AP3S1: variants seen among roughly 807,000 people sequenced by gnomAD.
The protein encoded by AP3S1 is adaptor related protein complex 3 subunit sigma 1.
Under a neutral mutation model 21.3 loss-of-function variants are expected in AP3S1, and 12 were observed. The ratio of observed to expected loss-of-function variants is 0.56; its 90% CI spans 0.36 to 0.91. AP3S1 has a LOEUF of 0.91. AP3S1 is among the 40% of genes least tolerant of loss of function. The pLI is 0.01. For synonymous variants in AP3S1, 48 were observed against 78.4 expected (o/e 0.61, Z 2.05); for missense variants, 116 against 225.0 (o/e 0.52, Z 3.10).
At chr5:115,864,739 G>A (rs1763482187) in intron 1 of AP3S1, among the ~76,000 whole-genome samples, 1 of 152,144 alleles carries the variant, frequency 6.6e-6, no homozygotes, top group Non-Finnish European at 1.5e-5. Flanking sequence ...CAAGATAAGG[G>A]TTTCAGAGAA....
chr5:115,873,805 C>T (rs531311904), intron 3 of AP3S1, among the ~76,000 whole-genome samples: 34 of 152,066 alleles, frequency 2.2e-4, no homozygotes, highest in Non-Finnish European at 4.7e-4. Context: ...AATTATAAAC[C>T]AAGAGAGTTT....
intron 3 of AP3S1, among the ~76,000 whole-genome samples, chr5:115,883,992 G>A (rs1339924169): frequency 6.6e-6 from 1 of 152,084 alleles, no homozygotes; most frequent in African/African-American, 2.4e-5. Flanking sequence ...CGCTTAAATG[G>A]AGGGACTGAA....
At chr5:115,882,114 G>C (rs576730200) in intron 3 of AP3S1, among the ~76,000 whole-genome samples, 77 of 151,974 alleles carry the variant, frequency 5.1e-4, no homozygotes, top group African/African-American at 1.8e-3. Flanking sequence ...CTTTTATCAA[G>C]GCTCTTAGCT....
intron 1 of AP3S1, chr5:115,852,840 T>C (rs942837723): frequency 2.8e-5 from 8 of 284,458 alleles, no homozygotes; most frequent in Admixed American, 4.6e-5. Context: ...TGGGGAAATA[T>C]ATATACACTG....
At chr5:115,860,302 G>C (rs1763081723) in intron 1 of AP3S1, among the ~76,000 whole-genome samples, 1 of 152,204 alleles carries the variant, frequency 6.6e-6, no homozygotes, top group Non-Finnish European at 1.5e-5. Context: ...TCATCTCAGA[G>C]TCCTTAATCA....
intron 4 of AP3S1, among the ~76,000 whole-genome samples, chr5:115,898,132 C>A (rs1052603517): frequency 6.6e-6 from 1 of 152,136 alleles, no homozygotes; most frequent in South Asian, 2.1e-4. Context: ...CTGCCACTAT[C>A]CAGAACATTG....
intron 5 of AP3S1, among the ~76,000 whole-genome samples, chr5:115,912,706 T>A (rs1752200607): frequency 6.6e-6 from 1 of 152,092 alleles, no homozygotes; most frequent in African/African-American, 2.4e-5. Flanking sequence ...TACTAATGCA[T>A]CAAAGGGTTG....
chr5:115,852,706 A>G (rs1762525094), intron 1 of AP3S1, among the ~76,000 whole-genome samples: 1 of 152,156 alleles, frequency 6.6e-6, no homozygotes, highest in Admixed American at 6.5e-5. Context: ...ATATAAATGG[A>G]ATCATGAAAT....
intron 3 of AP3S1, among the ~76,000 whole-genome samples, chr5:115,878,261 A>G (rs1748910674): frequency 6.6e-6 from 1 of 152,132 alleles, no homozygotes; most frequent in Non-Finnish European, 1.5e-5. Context: ...TGTTTTAGTC[A>G]TGTAGTCTTT....
intron 2 of AP3S1, among the ~76,000 whole-genome samples, chr5:115,867,902 G>A (rs1480305947): frequency 2.0e-5 from 3 of 152,118 alleles, no homozygotes; most frequent in Admixed American, 1.3e-4. Flanking sequence ...AATTGTGATT[G>A]TTCTTTTTTA....
chr5:115,875,633 C>A (rs901525625), intron 3 of AP3S1, among the ~76,000 whole-genome samples: 2 of 152,186 alleles, frequency 1.3e-5, no homozygotes, highest in Non-Finnish European at 2.9e-5. Context: ...TGGTGCAGTT[C>A]CTCCTGCTGG....
chr5:115,887,376 C>G (rs1299360564), intron 3 of AP3S1, among the ~76,000 whole-genome samples: 1 of 135,744 alleles, frequency 7.4e-6, no homozygotes, highest in African/African-American at 2.8e-5. Flanking sequence ...TTTTTTTTTT[C>G]ATTTATTATT....
intron 4 of AP3S1, among the ~76,000 whole-genome samples, chr5:115,901,008 C>G (rs1751162197): frequency 1.3e-5 from 2 of 152,118 alleles, no homozygotes; most frequent in Non-Finnish European, 2.9e-5. Flanking sequence ...TGTTGATTCA[C>G]TGTTTTAAAT....
In AP3S1 at chr5:115,845,679, C is replaced by G. The variant is rs540959714; in HGVS notation, c.69+3573C>G. On this transcript the variant is annotated intron_variant, in intron 1 of 5. Coordinates refer to ENST00000316788, the MANE Select transcript of AP3S1 (RefSeq NM_001284.4). ...TGAAACCCCATCTCTACTAAAAATA[C>G]AAAAATTAGCCAGGCATGGTAGCGC... Among the ~76,000 whole-genome samples, 395 of 151,684 alleles carry G rather than the reference C, an allele frequency of 2.6e-3. 3 individuals are homozygous for G. The highest frequency in any genetic ancestry group is 8.7e-3 in the African/African-American group (361 of 41,348).
chr5:115,846,560 T>G (rs1762080462), intron 1 of AP3S1, among the ~76,000 whole-genome samples: 1 of 151,968 alleles, frequency 6.6e-6, no homozygotes, highest in Admixed American at 6.6e-5. Flanking sequence ...TTCTCGTTTT[T>G]TTTTTTTTTT....
At chr5:115,903,694 A>G (rs899841873) in intron 5 of AP3S1, 1 of 152,238 alleles carries the variant, frequency 6.6e-6, no homozygotes, top group African/African-American at 2.4e-5. Context: ...GCACTTTAGC[A>G]TTGTATAAAA....
chr5:115,881,846 T>C (rs548016140), intron 3 of AP3S1, among the ~76,000 whole-genome samples: 262 of 152,274 alleles, frequency 1.7e-3, no homozygotes, highest in Middle Eastern at 3.4e-3. Flanking sequence ...CAATCAAACA[T>C]AGATTTGGTC....
At position 115,854,681 on chromosome 5, in the gene AP3S1, T is replaced by C. The variant is rs192417779; in HGVS notation, c.70-11989T>C. Among the ~76,000 whole-genome samples, 865 of 144,968 alleles carry C rather than the reference T, an allele frequency of 6.0e-3. 2 individuals are homozygous for C. Among genetic ancestry groups the C allele is most frequent in the Middle Eastern group, 0.018 (5 of 282 alleles). On this transcript the variant is annotated intron_variant, in intron 1 of 5. Coordinates refer to ENST00000316788, the MANE Select transcript of AP3S1 (RefSeq NM_001284.4). ...TGAGGCTTTGTCCTCAGATATCTCTTTTTTTTTTTTTAAGTGCAACATAAA... is the reference window on the plus strand; with the variant it reads ...TGAGGCTTTGTCCTCAGATATCTCTCTTTTTTTTTTTAAGTGCAACATAAA...
chr5:115,847,615 C>G (rs2112769862), intron 1 of AP3S1, among the ~76,000 whole-genome samples: 1 of 152,064 alleles, frequency 6.6e-6, no homozygotes, highest in East Asian at 1.9e-4. Flanking sequence ...GAGACCCTGT[C>G]TCAACAAATT....
Sources: gnomAD v4.1 joint callset for allele counts (sites outside exome capture counted in the v4.1 genomes callset) on GRCh38, gnomAD v4.1.1 for gene constraint, MANE v1.5 for transcripts, NCBI Gene and HGNC (gene_info 2026-07-23, HGNC 2026-07-21) for gene names.